NALCN: variants seen among roughly 807,000 people sequenced by gnomAD.
The protein encoded by NALCN is sodium leak channel, non-selective.
In NALCN, 111 loss-of-function variants were observed where a neutral mutation model predicts 225.3. The ratio of observed to expected loss-of-function variants is 0.49; its 90% CI spans 0.42 to 0.58. NALCN has a LOEUF of 0.58. Among genes scored for constraint, NALCN ranks in the 20% least tolerant of loss-of-function variants. The pLI is 0.00. For synonymous variants in NALCN, 764 were observed against 769.0 expected (o/e 0.99, Z 0.11); for missense variants, 1,378 against 2,202.4 (o/e 0.63, Z 7.49).
At chr13:101,398,495 G>C (rs1052660824) in intron 2 of NALCN, among the ~76,000 whole-genome samples, 3 of 152,136 alleles carry the variant, frequency 2.0e-5, no homozygotes, top group Non-Finnish European at 4.4e-5. Flanking sequence ...GCACACAGTC[G>C]TGCCTGGCCT....
chr13:101,258,406 C>G lies in NALCN; in HGVS notation c.1266+37G>C, dbSNP rs112219371. On this transcript the variant is annotated intron_variant, in intron 11 of 43. Transcript: ENST00000251127. ...AGGCACTGTCCGCGGTTCACCTGCT[C>G]CTTGCCCAGCGATCTGCACGGTGGA... 84 of 1,612,876 alleles carry G rather than the reference C, an allele frequency of 5.2e-5. No individual in the cohort carries two copies. The South Asian group carries it at 5.7e-4, about 11-fold the overall frequency.
chr13:101,314,888 T>C (rs1283417960), intron 7 of NALCN, among the ~76,000 whole-genome samples: 1 of 152,182 alleles, frequency 6.6e-6, no homozygotes, highest in African/African-American at 2.4e-5. Context: ...CTTAAGTTCA[T>C]ACCTGAGAGT....
At chr13:101,156,417 G>GAAATA (rs1339647580) in intron 15 of NALCN, among the ~76,000 whole-genome samples, 10 of 152,054 alleles carry the variant, frequency 6.6e-5, no homozygotes, top group Non-Finnish European at 1.5e-5. Flanking sequence ...AAAGAGCGGG[G>GAAATA]AAATACATGT....
intron 7 of NALCN, among the ~76,000 whole-genome samples, chr13:101,308,295 GT>G (rs1355701428): frequency 6.6e-6 from 1 of 152,172 alleles, no homozygotes; most frequent in Non-Finnish European, 1.5e-5. Flanking sequence ...CCTGCAAGGA[GT>G]TGTGGCCTTG....
Position 101,294,902 on chromosome 13 carries a change from T to C in NALCN, c.800-2536A>G, listed in dbSNP as rs375695704. 7.2e-5 allele frequency among the ~76,000 whole-genome samples: 11 copies of C among 152,252 alleles called. No individual in the cohort carries two copies. In the South Asian group the frequency reaches 1.9e-3, roughly 26 times the overall value. ...GCAAGGTATTAATCAGCAGTAACAG[T>C]TGCAGCAAAAGCTGGTTACAAACAA... On this transcript the variant is annotated intron_variant, in intron 7 of 43. Transcript: ENST00000251127.
At chr13:101,353,412 G>A (rs2045961826) in intron 6 of NALCN, among the ~76,000 whole-genome samples, 2 of 152,208 alleles carry the variant, frequency 1.3e-5, no homozygotes, top group Admixed American at 1.3e-4. Context: ...CTCTTATTTA[G>A]CTTCCTCTGG....
intron 37 of NALCN, among the ~76,000 whole-genome samples, chr13:101,069,977 A>C (rs593448): frequency 0.76 from 115,331 of 151,684 alleles, 44,729 homozygotes; most frequent in African/African-American, 0.89. Context: ...GAACCCCTCA[A>C]AGTCATCCAT....
At position 101,376,705 on chromosome 13, in the gene NALCN, C is replaced by T. The variant is rs1179265379; in HGVS notation, c.639G>A (p.Lys213=). Residue 213 remains lysine, a synonymous_variant, in exon 6 of 44, where the codon AAG becomes AAA. Coordinates refer to ENST00000251127, the MANE Select transcript of NALCN (RefSeq NM_052867.4). The part of the protein sequence containing the change: ...FTYHCVVNDT[K]PGNVTWNSLA... ...CAGTTAATAGATAAACTTACCCTGG[C>T]TTTGTGTCATTTACAACACAGTGAT... The T allele has an allele frequency of 6.3e-7, 1 of 1,597,110 alleles. No homozygotes were observed. Among genetic ancestry groups the T allele is most frequent in the Admixed American group, 1.8e-5 (1 of 54,244 alleles).
chr13:101,278,172 A>T (rs2043024907), intron 10 of NALCN, among the ~76,000 whole-genome samples: 1 of 152,154 alleles, frequency 6.6e-6, no homozygotes, highest in Non-Finnish European at 1.5e-5. Context: ...CAAAATTACA[A>T]AGTACAGCCG....
In NALCN at chr13:101,127,870, G is replaced by A. The variant is rs1444486274; in HGVS notation, c.2119-3189C>T. On this transcript the variant is annotated intron_variant, in intron 17 of 43. Coordinates refer to ENST00000251127, the MANE Select transcript of NALCN (RefSeq NM_052867.4). The stretch of plus-strand genomic sequence containing the variant: ...TCTTACTTCTATAGTAAAGCTTTGC[G>A]AATTTTTTTTGGCAAAGGGCATTCC... Among the ~76,000 whole-genome samples the A allele has an allele frequency of 3.3e-5, 5 of 152,154 alleles. No individual in the cohort carries two copies. The South Asian group carries it at 1.0e-3, about 32-fold the overall frequency.
At chr13:101,088,787 T>C (rs1196686383) in intron 30 of NALCN, among the ~76,000 whole-genome samples, 1 of 152,254 alleles carries the variant, frequency 6.6e-6, no homozygotes, top group Non-Finnish European at 1.5e-5. Flanking sequence ...AACTACATTG[T>C]TATTTTCCCA....
At chr13:101,367,471 A>G (rs2046409879) in intron 6 of NALCN, among the ~76,000 whole-genome samples, 1 of 152,088 alleles carries the variant, frequency 6.6e-6, no homozygotes, top group Admixed American at 6.6e-5. Flanking sequence ...GGCTGCCTCA[A>G]GTGTGAGCTC....
At chr13:101,059,066 G>T (rs1240149734) in intron 42 of NALCN, 1 of 152,326 alleles carries the variant, frequency 6.6e-6, no homozygotes, top group Non-Finnish European at 1.5e-5. Flanking sequence ...ATGGAGCCTG[G>T]TGCTGCTGGG....
chr13:101,143,955 C>G (rs2037218335), intron 16 of NALCN, among the ~76,000 whole-genome samples: 1 of 152,150 alleles, frequency 6.6e-6, no homozygotes, highest in Non-Finnish European at 1.5e-5. Context: ...AACGTCTCTT[C>G]AAATTACCAA....
At chr13:101,143,334 T>C (rs1200219860) in intron 16 of NALCN, 113 bp from the exon 17 acceptor site, 70 of 1,061,844 alleles carry the variant, frequency 6.6e-5, no homozygotes, top group Non-Finnish European at 8.7e-5. Flanking sequence ...TAAAAGATCA[T>C]AGAAAACTAG....
At chr13:101,294,092 G>T (rs1252508551) in intron 7 of NALCN, among the ~76,000 whole-genome samples, 1 of 152,094 alleles carries the variant, frequency 6.6e-6, no homozygotes, top group Admixed American at 6.6e-5. Context: ...AGGTCTCCAA[G>T]GTGGAAAGTG....
chr13:101,061,117 T>C (rs7334863), intron 41 of NALCN, among the ~76,000 whole-genome samples: 60,641 of 152,094 alleles, frequency 0.4, 12,539 homozygotes, highest in East Asian at 0.57. Context: ...AATTATCTCA[T>C]AGAAACATTC....
At chr13:101,295,227 C>A (rs530247623) in intron 7 of NALCN, among the ~76,000 whole-genome samples, 27 of 152,300 alleles carry the variant, frequency 1.8e-4, no homozygotes. Context: ...TAGGTACTAA[C>A]ACTGGACAAT....
intron 13 of NALCN, among the ~76,000 whole-genome samples, chr13:101,212,663 C>T (rs915933804): frequency 6.6e-6 from 1 of 152,034 alleles, no homozygotes; most frequent in Non-Finnish European, 1.5e-5. Context: ...GTGTGGCAGA[C>T]TGAGGGAGGG....
Sources: gnomAD v4.1 joint callset for allele counts (sites outside exome capture counted in the v4.1 genomes callset) on GRCh38, gnomAD v4.1.1 for gene constraint, MANE v1.5 for transcripts, NCBI Gene and HGNC (gene_info 2026-07-23, HGNC 2026-07-21) for gene names.